Variants in PCDH15 observed in about 807,000 individuals in gnomAD.
The protein encoded by PCDH15 is protocadherin-15.
PCDH15 carries 129 observed loss-of-function variants against 178.5 expected under a neutral mutation model. That is an observed-to-expected ratio of 0.72 (90% CI 0.63 to 0.84). The LOEUF (loss-of-function observed/expected upper bound fraction) is 0.84, where lower values mean the gene tolerates loss of function less well. Among genes scored for constraint, PCDH15 ranks in the 40% least tolerant of loss-of-function variants. PCDH15 has a pLI of 0.00. For missense variants in PCDH15, 2,230 were observed against 2,099.9 expected (o/e 1.06, Z -1.21); for synonymous variants, 800 against 732.0 (o/e 1.09, Z -1.50).
rs577603537 is a variant in PCDH15, at chr10:55,593,275, G to A, written c.-156+34350C>T. On this transcript the variant is annotated intron_variant, in intron 2 of 5. Transcript: ENST00000613346. ...AGACAGTTTTGAAACTTCCGAAAAC[G>A]AAAATGTTGTTAGGTAATATTTTCA... is the stretch of plus-strand genomic sequence containing the variant. 4.9e-4 allele frequency among the ~76,000 whole-genome samples: 74 copies of A among 151,970 alleles called. No individual in the cohort carries two copies. The South Asian group carries it at 5.0e-3, about 10-fold the overall frequency.
At chr10:55,201,510 G>T (rs967474131) in intron 1 of PCDH15, among the ~76,000 whole-genome samples, 1 of 152,110 alleles carries the variant, frequency 6.6e-6, no homozygotes, top group Admixed American at 6.5e-5. Context: ...TTCCCCTAAT[G>T]ACTTGTACAC....
chr10:55,579,798 T>G (rs1172078237), intron 2 of PCDH15, among the ~76,000 whole-genome samples: 1 of 152,068 alleles, frequency 6.6e-6, no homozygotes, highest in Non-Finnish European at 1.5e-5. Flanking sequence ...AGCAACGTAT[T>G]GGGATTTTTT....
At chr10:54,870,264 T>C (rs1954012923) in intron 3 of PCDH15, among the ~76,000 whole-genome samples, 1 of 152,294 alleles carries the variant, frequency 6.6e-6, no homozygotes. Context: ...ATTATTCAGC[T>C]ACCATGCTCA....
Position 54,015,678 on chromosome 10 carries a change from T to C in PCDH15, c.2751+4514A>G, listed in dbSNP as rs1184759053. ...GGACTCCCTATTCAGCAAATGATGC[T>C]GGGATAACTGGCTATACATATGTAG... On this transcript the variant is annotated intron_variant, in intron 20 of 37. Coordinates refer to ENST00000644397, the MANE Select transcript of PCDH15 (RefSeq NM_001384140.1). Among the ~76,000 whole-genome samples, 20 of 152,184 alleles carry C rather than the reference T, an allele frequency of 1.3e-4. 1 individual carries two copies. The highest frequency in any genetic ancestry group is 1.3e-3 in the Admixed American group (20 of 15,276).
intron 23 of PCDH15, among the ~76,000 whole-genome samples, chr10:53,945,837 G>GTATATATATATATATA (rs56389905): frequency 1.7e-5 from 2 of 119,446 alleles, no homozygotes; most frequent in Non-Finnish European, 3.5e-5. Context: ...ATATTTCATT[G>GTATATATATATATATA]TATATATATA....
At chr10:54,295,621 C>T (rs897220245) in intron 8 of PCDH15, among the ~76,000 whole-genome samples, 14 of 152,264 alleles carry the variant, frequency 9.2e-5, no homozygotes, top group Middle Eastern at 3.4e-3. Context: ...GAAGAAACTC[C>T]GGACATACCA....
At chr10:55,315,142 T>C (rs892294773) in intron 1 of PCDH15, among the ~76,000 whole-genome samples, 3 of 152,144 alleles carry the variant, frequency 2.0e-5, no homozygotes, top group African/African-American at 7.2e-5. Flanking sequence ...ATATACTTAC[T>C]GTACTTTCTT....
chr10:54,554,150 C>T (rs2086909731), intron 2 of PCDH15, among the ~76,000 whole-genome samples: 1 of 151,960 alleles, frequency 6.6e-6, no homozygotes, highest in Non-Finnish European at 1.5e-5. Flanking sequence ...TTTTTATTTT[C>T]CCCTGTCTTT....
intron 1 of PCDH15, among the ~76,000 whole-genome samples, chr10:54,713,400 T>G (rs2132390214): frequency 6.6e-6 from 1 of 152,220 alleles, no homozygotes; most frequent in East Asian, 1.9e-4. Context: ...TAAATAAAAC[T>G]TGTACAGGTT....
rs866104362 is a variant in PCDH15, at chr10:55,274,606, T to C, written c.-156+44993A>G. Among the ~76,000 whole-genome samples the C allele has an allele frequency of 6.6e-5, 10 of 152,226 alleles. No individual in the cohort carries two copies. In the South Asian group the frequency reaches 2.1e-3, roughly 32 times the overall value. On this transcript the variant is annotated intron_variant, in intron 1 of 5. Transcript: ENST00000458638. ...CAGGAACCTTAGTCATCACTAAAAC[T>C]AACAGCTTACCACTTTTTTCCAAAC...
chr10:53,833,159 C>G (rs781029266), intron 29 of PCDH15, among the ~76,000 whole-genome samples: 3 of 151,874 alleles, frequency 2.0e-5, no homozygotes, highest in Non-Finnish European at 4.4e-5. Context: ...ATTATTAGAA[C>G]AAGGAAGAAT....
chr10:55,272,961 G>T (rs1359456686), intron 1 of PCDH15, among the ~76,000 whole-genome samples: 1 of 152,000 alleles, frequency 6.6e-6, no homozygotes, highest in East Asian at 1.9e-4. Context: ...GCGATGTGCT[G>T]TGTGTCTCTG....
At chr10:54,218,581 A>G (rs2134159002) in intron 9 of PCDH15, among the ~76,000 whole-genome samples, 1 of 152,294 alleles carries the variant, frequency 6.6e-6, no homozygotes, top group East Asian at 1.9e-4. Context: ...GTGAAGACAC[A>G]AGAAAGCAGC....
Position 54,170,123 on chromosome 10 carries a change from C to T in PCDH15, c.1590+13321G>A, listed in dbSNP as rs1236483109. 2.5e-5 allele frequency among the ~76,000 whole-genome samples: 3 copies of T among 119,944 alleles called. 1 individual carries two copies. Among genetic ancestry groups the T allele is most frequent in the African/African-American group, 3.6e-5 (1 of 28,000 alleles). The allele number at this position is 119,944 out of a possible 152,430, so 78.7% of individuals were successfully genotyped here. A position where few individuals can be genotyped will look rare whatever the true frequency, so the allele number is the denominator to read the frequency against. ...TTACCTAGGCTGTACTGCCACAAAG[C>T]TTCACAGGCAGCCCCCATTACTTCA... On this transcript the variant is annotated intron_variant, in intron 13 of 37. Coordinates refer to ENST00000644397, the MANE Select transcript of PCDH15 (RefSeq NM_001384140.1).
intron 13 of PCDH15, among the ~76,000 whole-genome samples, chr10:54,161,026 A>C (rs998518078): frequency 3.9e-5 from 6 of 152,152 alleles, no homozygotes; most frequent in Admixed American, 6.6e-5. Context: ...TCTATATATA[A>C]CAAACAGAAA....
chr10:55,537,857 C>T (rs1841616235), intron 2 of PCDH15, among the ~76,000 whole-genome samples: 1 of 152,190 alleles, frequency 6.6e-6, no homozygotes, highest in South Asian at 2.1e-4. Flanking sequence ...AAACCTTCAA[C>T]AGATGTGAAG....
chr10:55,215,586 G>T (rs1840682154), intron 1 of PCDH15, among the ~76,000 whole-genome samples: 1 of 151,974 alleles, frequency 6.6e-6, no homozygotes. Context: ...AGGTAGAGGG[G>T]AAAATGAAAT....
chr10:55,181,221 T>C (rs1839638641), intron 1 of PCDH15, among the ~76,000 whole-genome samples: 1 of 152,196 alleles, frequency 6.6e-6, no homozygotes, highest in African/African-American at 2.4e-5. Context: ...TATAATTCTT[T>C]AGGCTTTGGG....
intron 30 of PCDH15, among the ~76,000 whole-genome samples, chr10:53,830,530 A>G (rs745418861): frequency 5.3e-4 from 80 of 152,156 alleles, no homozygotes; most frequent in Non-Finnish European, 9.3e-4. Context: ...CATTGTCTAT[A>G]GAAATATACT....
Sources: gnomAD v4.1 joint callset for allele counts (sites outside exome capture counted in the v4.1 genomes callset) on GRCh38, gnomAD v4.1.1 for gene constraint, MANE v1.5 for transcripts, NCBI Gene and HGNC (gene_info 2026-07-23, HGNC 2026-07-21) for gene names.